PHF19: variants seen among roughly 807,000 people sequenced by gnomAD.
The protein encoded by PHF19 is polycomb like 3.
A neutral mutation model predicts 79.8 loss-of-function variants in PHF19; 21 were observed. The ratio of observed to expected loss-of-function variants is 0.26; its 90% confidence interval spans 0.19 to 0.38. The LOEUF is 0.38. Among genes scored for constraint, PHF19 ranks in the 10% least tolerant of loss-of-function variants. PHF19 has a pLI of 1.00. For missense variants in PHF19, 445 were observed against 744.2 expected (o/e 0.60, Z 4.68); for synonymous variants, 273 against 296.3 (o/e 0.92, Z 0.81).
At chr9:120,897,711 G>T (rs1312899120), upstream of PHF19, among the ~76,000 whole-genome samples, 1 of 152,018 alleles carries the variant, frequency 6.6e-6, no homozygotes, top group East Asian at 1.9e-4. Context: ...GGGCATGGTG[G>T]CTCACACCTG....
chr9:120,859,764 C>G (rs569294964), intron 14 of PHF19, among the ~76,000 whole-genome samples: 1 of 152,244 alleles, frequency 6.6e-6, no homozygotes, highest in South Asian at 2.1e-4. Flanking sequence ...CACGTGGAGG[C>G]CAAAAGTGAA....
chr9:120,897,088 G>T (rs1159186546), upstream of PHF19, among the ~76,000 whole-genome samples: 1 of 152,252 alleles, frequency 6.6e-6, no homozygotes, highest in Non-Finnish European at 1.5e-5. Context: ...CTTGTCATCT[G>T]CAAATATGCG....
chr9:120,874,821 G>T lies in PHF19; in HGVS notation c.-15-65C>A. 2.8e-6 allele frequency: 3 copies of T among 1,056,574 alleles called. No individual in the cohort carries two copies. The highest frequency in any genetic ancestry group is 4.3e-6 in the Non-Finnish European group (3 of 701,042). The allele number at this position is 1,056,574 out of a possible 1,614,324, so 65.4% of individuals were successfully genotyped here. A position where few individuals can be genotyped will look rare whatever the true frequency, so the allele number is the denominator to read the frequency against. On this transcript the variant is annotated intron_variant, in intron 1 of 14. Transcript: ENST00000373896. This position sits in a 1 kb window ranked among gnomAD's most constrained non-coding sequence, Gnocchi z 4.5. ...TGCTTCAGAAAGCCCATCAGGGGAA[G>T]GAAGGAAACCACCATTTCTGTACCC...
rs765572300 is a variant in PHF19 at position 120,870,431 on chromosome 9, C to T, written c.364+12G>A. 9.5e-6 allele frequency: 15 copies of T among 1,573,946 alleles called. No homozygotes were observed. In the South Asian group the frequency reaches 1.2e-4, roughly 13 times the overall value. ...GTCGGGGCCTTCTCAGGGCCCTGCTCGCTCCACTCACCCAGGCCACACTTC... is the reference window on the plus strand; with the variant it reads ...GTCGGGGCCTTCTCAGGGCCCTGCTTGCTCCACTCACCCAGGCCACACTTC... On this transcript the variant is annotated intron_variant, in intron 4 of 14. Coordinates refer to ENST00000373896, the MANE Select transcript of PHF19 (RefSeq NM_015651.3). The surrounding 1 kb of genome is among the most constrained non-coding windows in gnomAD (Gnocchi z 4.4).
the PHF19 span, chr9:120,902,260 TCTC>T: frequency 6.6e-6 from 1 of 151,962 alleles, no homozygotes; most frequent in African/African-American, 2.4e-5. Context: ...GTTTTAAAAA[TCTC>T]CCCAGCACCT....
At chr9:120,881,152 T>G (rs944650369), upstream of PHF19, among the ~76,000 whole-genome samples, 63 of 148,030 alleles carry the variant, frequency 4.3e-4, 2 homozygotes, top group South Asian at 2.0e-3. Flanking sequence ...GGGGTTTGTT[T>G]TTTTTTTTTT....
intron 1 of PHF19, among the ~76,000 whole-genome samples, chr9:120,890,190 C>T (rs2046322411): frequency 6.6e-6 from 1 of 151,206 alleles, no homozygotes; most frequent in Admixed American, 6.6e-5. Flanking sequence ...TTAACTTGAT[C>T]TCAGCTTTGC....
In PHF19 at chr9:120,858,094, G is replaced by A; in HGVS notation, c.1593C>T (p.Ser531=). 1 of 1,614,148 alleles carries A rather than the reference G, an allele frequency of 6.2e-7. No individual in the cohort carries two copies. Among genetic ancestry groups the A allele is most frequent in the Non-Finnish European group, 8.5e-7 (1 of 1,179,974 alleles). The change falls in exon 15 of 15, where the codon TCC becomes TCT. Residue 531 remains serine (S), a synonymous_variant. Coordinates refer to ENST00000373896, the MANE Select transcript of PHF19 (RefSeq NM_015651.3). Reference sequence around the variant, plus strand: ...TGATAGATGACTTGAGGTGGGACAGGGATGAGTCATCTTCACTGATGCTCT... The same window carrying A: ...TGATAGATGACTTGAGGTGGGACAGAGATGAGTCATCTTCACTGATGCTCT... ...TFESISEDDS[S]LSHLKSSITN...
chr9:120,898,139 C>A (rs1024435954), upstream of PHF19, among the ~76,000 whole-genome samples: 3 of 152,178 alleles, frequency 2.0e-5, no homozygotes, highest in Non-Finnish European at 4.4e-5. Context: ...TGTTTTGAGA[C>A]GAAGTCTTGC....
upstream of PHF19, among the ~76,000 whole-genome samples, chr9:120,899,343 C>T (rs2131608827): frequency 6.6e-6 from 1 of 151,194 alleles, no homozygotes; most frequent in African/African-American, 2.4e-5. Context: ...CTAAAAAGTA[C>T]AGAAAATTAG....
chr9:120,885,974 C>G (rs1350368725), intron 1 of PHF19, among the ~76,000 whole-genome samples: 1 of 152,198 alleles, frequency 6.6e-6, no homozygotes, highest in Non-Finnish European at 1.5e-5. Flanking sequence ...TCAGAAGGAA[C>G]TCTCACGTCT....
intron 1 of PHF19, among the ~76,000 whole-genome samples, chr9:120,882,395 G>A (rs1473653219): frequency 6.6e-6 from 1 of 151,384 alleles, no homozygotes; most frequent in Non-Finnish European, 1.5e-5. Context: ...AAAGTAACTT[G>A]TGATTTTCAC....
In PHF19 at chr9:120,891,778, C is replaced by T. The variant is rs1012312212; in HGVS notation, c.42+3010G>A. ...AGTCTTCCGTGCTTGTTAGGAGAGA[C>T]GGAAGCATCACAGTCACCTGGTAGA... On this transcript the variant is annotated intron_variant, in intron 1 of 14. Transcript: ENST00000616568. This position sits in a 1 kb window ranked among gnomAD's most constrained non-coding sequence, Gnocchi z 4.3. Among the ~76,000 whole-genome samples, 2 of 152,202 alleles carry T rather than the reference C, an allele frequency of 1.3e-5. No homozygotes were observed. Among genetic ancestry groups the T allele is most frequent in the African/African-American group, 2.4e-5 (1 of 41,448 alleles).
At position 120,860,193 on chromosome 9, in the gene PHF19, G is replaced by A. The variant is rs2045478808; in HGVS notation, c.1305-8C>T. On this transcript the variant is annotated splice_region_variant and splice_polypyrimidine_tract_variant and intron_variant, in intron 13 of 14. Transcript: ENST00000373896. The surrounding 1 kb of genome is among the most constrained non-coding windows in gnomAD (Gnocchi z 4.1). ...GTCTGGCCTGAGCTGGCACTGAGAG[G>A]GGCAAGACCGTGAGCCTGCTGGTGG... 15 of 1,533,288 alleles carry A rather than the reference G, an allele frequency of 9.8e-6. No individual in the cohort carries two copies. Among genetic ancestry groups the A allele is most frequent in the Non-Finnish European group, 1.3e-5 (15 of 1,120,028 alleles). 95.0% of individuals were successfully genotyped at this position (1,533,288 alleles called of 1,614,324 possible). A position where few individuals can be genotyped will look rare whatever the true frequency, so the allele number is the denominator to read the frequency against.
rs754934905 is a variant in PHF19, at chr9:120,857,977, G to A, written c.1710C>T (p.Tyr570=). ...GGGTGGTCCCTTCCCACTCCACCAG[G>A]TACTGAACCTTGCCCTCAGGTGTGA... ...RRVTPEGKVQ[Y]LVEWEGTTPY The change falls in exon 15 of 15, where the codon TAC becomes TAT. Residue 570 remains tyrosine (Y), a synonymous_variant. Coordinates refer to ENST00000373896, the MANE Select transcript of PHF19 (RefSeq NM_015651.3). 3 of 1,612,536 alleles carry A rather than the reference G, an allele frequency of 1.9e-6. No homozygotes were observed. Among genetic ancestry groups the A allele is most frequent in the South Asian group, 1.1e-5 (1 of 90,910 alleles).
At chr9:120,867,625 C>G (rs971923232) in intron 6 of PHF19, among the ~76,000 whole-genome samples, 2 of 152,250 alleles carry the variant, frequency 1.3e-5, no homozygotes, top group Non-Finnish European at 2.9e-5. Context: ...CTGTGCAACT[C>G]TGCCCATAGG....
At chr9:120,886,929 G>A (rs2046271396) in intron 1 of PHF19, among the ~76,000 whole-genome samples, 1 of 151,282 alleles carries the variant, frequency 6.6e-6, no homozygotes, top group Non-Finnish European at 1.5e-5. Flanking sequence ...AATTAGCCGG[G>A]TGTGATTGCA....
chr9:120,858,312 T>C (rs1172604717), intron 14 of PHF19, 26 bp from the exon 15 acceptor site: 8 of 1,483,482 alleles, frequency 5.4e-6, no homozygotes, highest in Non-Finnish European at 6.3e-6. Context: ...GAGAGGAAGA[T>C]GATGAGAATG....
At chr9:120,861,234 C>T in intron 12 of PHF19, 60 bp from the exon 13 acceptor site, 1 of 948,852 alleles carries the variant, frequency 1.1e-6, no homozygotes, top group Admixed American at 1.7e-5. Context: ...CCACCTCCCA[C>T]ACAGGCTGCC....
Sources: gnomAD v4.1 joint callset for allele counts (sites outside exome capture counted in the v4.1 genomes callset) on GRCh38, gnomAD v4.1.1 for gene constraint, Gnocchi (gnomAD v3.1) non-coding constraint, MANE v1.5 for transcripts, NCBI Gene and HGNC (gene_info 2026-07-23, HGNC 2026-07-21) for gene names.